The following CDC20 variants were observed in gnomAD, a reference collection of about 807,000 sequenced individuals.
CDC20 encodes the protein cell division cycle protein 20 homolog.
Under a neutral mutation model 60.0 loss-of-function variants are expected in CDC20, and 34 were observed. That is an observed-to-expected ratio of 0.57 (90% confidence interval 0.43 to 0.75). The LOEUF (loss-of-function observed/expected upper bound fraction) is 0.75. Ranked by LOEUF, CDC20 falls within the 30% of genes least tolerant of loss-of-function variation. The probability of loss-of-function intolerance (pLI) is 0.00; values close to 1 mark genes in which losing one functional copy is unlikely to be tolerated. For synonymous variants in CDC20, 198 were observed against 243.5 expected (o/e 0.81, Z 1.74); for missense variants, 469 against 647.3 (o/e 0.72, Z 2.99).
At chr1:43,361,406 C>G (rs1244546294) in intron 9 of CDC20, among the ~76,000 whole-genome samples, 161 bp downstream of exon 9, 1 of 152,192 alleles carries the variant, frequency 6.6e-6, no homozygotes, top group Non-Finnish European at 1.5e-5. Flanking sequence ...TATCTCCAAT[C>G]CTATGTCCTA....
At position 43,360,675 on chromosome 1, in the gene CDC20, C is replaced by A. The variant is rs1316642960; in HGVS notation, c.849-58C>A. 8 of 1,581,380 alleles carry A rather than the reference C, an allele frequency of 5.1e-6. No individual in the cohort carries two copies. The East Asian group carries it at 1.8e-4, about 35-fold the overall frequency. ...TGTACACCCCTGAACTGAACCAGCT[C>A]TGGCTTGCTTGCATTTGGTGCTGCC... On this transcript the variant is annotated intron_variant, in intron 7 of 10. Coordinates refer to ENST00000310955, the MANE Select transcript of CDC20 (RefSeq NM_001255.3).
chr1:43,362,876 A>G, intron 10 of CDC20, 75 bp from the exon 11 acceptor site: 1 of 1,104,592 alleles, frequency 9.1e-7, no homozygotes, highest in Non-Finnish European at 1.3e-6. Flanking sequence ...ACAAAAAGGT[A>G]GGTGGGTGGC....
chr1:43,362,212 G>T lies in CDC20; in HGVS notation c.1221G>T (p.Trp407Cys). The T allele has an allele frequency of 6.2e-7, 1 of 1,610,052 alleles. No homozygotes were observed. Among genetic ancestry groups the T allele is most frequent in the Non-Finnish European group, 8.5e-7 (1 of 1,176,390 alleles). ...DAHSQVCSILWSPHYKELISG... is the reference protein window; with the variant it reads ...DAHSQVCSILCSPHYKELISG... ...CTCCACAGGTGTGCTCCATCCTCTG[G>T]TCTCCCCATTACAAGGAGCTCATCT... Residue 407 changes from tryptophan (W) to cysteine (C), a missense_variant, in exon 10 of 11, where the codon TGG becomes TGT. Transcript: ENST00000310955.
Position 43,359,733 on chromosome 1 carries a change from G to A in CDC20, c.339G>A (p.Gln113=). 1 of 1,613,904 alleles carries A rather than the reference G, an allele frequency of 6.2e-7. No individual in the cohort carries two copies. The highest frequency in any genetic ancestry group is 2.2e-5 in the East Asian group (1 of 44,884). The change falls in exon 4 of 11, where the codon CAG becomes CAA. Residue 113 remains glutamine (Q), a synonymous_variant. Coordinates refer to ENST00000310955, the MANE Select transcript of CDC20 (RefSeq NM_001255.3). ...NSQTPTKKEH[Q]KAWALNLNGF... is the part of the protein sequence containing the mutation. ...ACTACCCTTTATGCCAGGAACATCA[G>A]AAAGCCTGGGCTTTGAACCTGAACG... is the stretch of plus-strand genomic sequence containing the variant.
rs1236815424 is a variant in CDC20 at position 43,360,926 on chromosome 1, C to T, written c.1042C>T (p.Leu348=). 1 of 1,613,946 alleles carries T rather than the reference C, an allele frequency of 6.2e-7. No individual in the cohort carries two copies. The highest frequency in any genetic ancestry group is 1.3e-5 in the African/African-American group (1 of 74,902). Residue 348 remains leucine (L), a synonymous_variant, in exon 8 of 11, where the codon CTG becomes TTG. Transcript: ENST00000310955. ...TCCTGGAGAGGGTGGCTGGGTTCCTCTGCAGACATTCACCCAGCATCAAGG... is the reference window on the plus strand; with the variant it reads ...TCCTGGAGAGGGTGGCTGGGTTCCTTTGCAGACATTCACCCAGCATCAAGG... ...SAPGEGGWVP[L]QTFTQHQGAV...
chr1:43,360,129 G>A, intron 5 of CDC20, 32 bp downstream of exon 5: 1 of 1,614,132 alleles, frequency 6.2e-7, no homozygotes, highest in Non-Finnish European at 8.5e-7. Context: ...CCTCATGCAT[G>A]GAGAAAGAGG....
In CDC20 at chr1:43,360,937, C is replaced by A; in HGVS notation, c.1053C>A (p.Phe351Leu). Reference sequence around the variant, plus strand: ...GTGGCTGGGTTCCTCTGCAGACATTCACCCAGCATCAAGGGGCTGTCAAGG... The same window carrying A: ...GTGGCTGGGTTCCTCTGCAGACATTAACCCAGCATCAAGGGGCTGTCAAGG... ...GEGGWVPLQT[F>L]TQHQGAVKAV... The change falls in exon 8 of 11, where the codon TTC (phenylalanine) becomes TTA (leucine). Residue 351 changes from phenylalanine to leucine, a missense_variant. This residue lies in a region of CDC20 where 255 missense variants were observed against 326.7 expected (regional missense o/e 0.78). Coordinates refer to ENST00000310955, the MANE Select transcript of CDC20 (RefSeq NM_001255.3). The A allele has an allele frequency of 1.2e-6, 2 of 1,613,816 alleles. No individual in the cohort carries two copies. The highest frequency in any genetic ancestry group is 1.7e-6 in the Non-Finnish European group (2 of 1,179,746).
rs1188441660 is a variant in CDC20 at position 43,359,324 on chromosome 1, G to A, written c.109G>A (p.Gly37Ser). 5 of 1,613,000 alleles carry A rather than the reference G, an allele frequency of 3.1e-6. No homozygotes were observed. The highest frequency in any genetic ancestry group is 4.2e-6 in the Non-Finnish European group (5 of 1,179,892). ...RWQRKAKEAA[G>S]PAPSPMRAAN... ...GCAGCGCAAAGCCAAGGAAGCCGCA[G>A]GCCCGGCCCCCTCACCCATGCGGGC... Residue 37 changes from glycine (G) to serine (S), a missense_variant, in exon 2 of 11, where the codon GGC becomes AGC. Transcript: ENST00000310955.
chr1:43,363,175 CA>C lies in CDC20; in HGVS notation c.*47del. On this transcript the variant is annotated 3_prime_UTR_variant, in exon 11 of 11. Transcript: ENST00000310955. ...TTGTTTTTTATTTTTCTAATAAAGT[CA>C]TGTCTCCCTTCATGTTTTTTTTTTA... 1 of 1,532,012 alleles carries C rather than the reference CA, an allele frequency of 6.5e-7. No homozygotes were observed. The highest frequency in any genetic ancestry group is 9.0e-7 in the Non-Finnish European group (1 of 1,117,072). The allele number at this position is 1,532,012 out of a possible 1,614,324, so 94.9% of individuals were successfully genotyped here. A position where few individuals can be genotyped will look rare whatever the true frequency, so the allele number is the denominator to read the frequency against.
rs1647166218 is a variant in CDC20 at position 43,360,256 on chromosome 1, A to G, written c.620A>G (p.Tyr207Cys). ...GCCGTGGCACTGGACAACAGTGTGT[A>G]CCTGTGGAGTGCAAGCTCTGGTGAC... ...VLAVALDNSVYLWSASSGDIL... is the reference protein window; with the variant it reads ...VLAVALDNSVCLWSASSGDIL... The change falls in exon 6 of 11, where the codon TAC becomes TGC. Residue 207 changes from tyrosine (Y) to cysteine (C), a missense_variant. Physicochemically the swap from Tyr to Cys is radical, Grantham distance 194 (BLOSUM62 -2). Around this residue, in one of 5 missense-constraint regions of CDC20, gnomAD observed 255 missense variants for 326.7 expected, o/e 0.78. Coordinates refer to ENST00000310955, the MANE Select transcript of CDC20 (RefSeq NM_001255.3). 1 of 1,614,056 alleles carries G rather than the reference A, an allele frequency of 6.2e-7. No homozygotes were observed. Among genetic ancestry groups the G allele is most frequent in the Non-Finnish European group, 8.5e-7 (1 of 1,180,040 alleles).
Position 43,359,959 on chromosome 1 carries a change from G to C in CDC20, c.428-10G>C. ...TTTTCCCAGCGTCTAGACTCACTCCGTTGCCACAGGTTATCAGAACAGACT... is the reference window on the plus strand; with the variant it reads ...TTTTCCCAGCGTCTAGACTCACTCCCTTGCCACAGGTTATCAGAACAGACT... On this transcript the variant is annotated splice_polypyrimidine_tract_variant and intron_variant, in intron 4 of 10. Transcript: ENST00000310955. 1.2e-6 allele frequency: 2 copies of C among 1,614,048 alleles called. No individual in the cohort carries two copies. The highest frequency in any genetic ancestry group is 1.7e-6 in the Non-Finnish European group (2 of 1,179,986).
rs45561534 is a variant in CDC20 at position 43,359,013 on chromosome 1, G to A, written c.-50+7G>A. The A allele has an allele frequency of 4.5e-4, 278 of 611,438 alleles. 1 individual carries two copies. In the African/African-American group the frequency reaches 4.6e-3, roughly 10 times the overall value. 37.9% of individuals were successfully genotyped at this position (611,438 alleles called of 1,614,324 possible). A position where few individuals can be genotyped will look rare whatever the true frequency, so the allele number is the denominator to read the frequency against. On this transcript the variant is annotated splice_region_variant and intron_variant, in intron 1 of 10. Transcript: ENST00000310955. ...AACTGCTCCGGAGGGCACGGTGAGAGGTGGTGGGGCTGAGCCGAGGTGGGG... is the reference window on the plus strand; with the variant it reads ...AACTGCTCCGGAGGGCACGGTGAGAAGTGGTGGGGCTGAGCCGAGGTGGGG...
intron 1 of CDC20, 21 bp from the exon 2 acceptor site, chr1:43,359,146 C>T (rs531810931): frequency 1.3e-6 from 2 of 1,529,690 alleles, no homozygotes; most frequent in Admixed American, 3.4e-5. Flanking sequence ...CCCCTGAGCA[C>T]CGTCGCCTCC....
chr1:43,362,841 G>T, intron 10 of CDC20, 110 bp from the exon 11 acceptor site: 1 of 768,838 alleles, frequency 1.3e-6, no homozygotes, highest in South Asian at 1.9e-5. Flanking sequence ...CTCCAGCCTG[G>T]GTGACAGAGC....
chr1:43,362,537 G>A (rs1647177264), intron 10 of CDC20, among the ~76,000 whole-genome samples: 1 of 152,162 alleles, frequency 6.6e-6, no homozygotes, highest in Non-Finnish European at 1.5e-5. Flanking sequence ...GCATTTTATG[G>A]TGTGTGAATT....
Position 43,360,110 on chromosome 1 carries a change from T to A in CDC20, c.556+13T>A, listed in dbSNP as rs1476942811. 3 of 1,614,094 alleles carry A rather than the reference T, an allele frequency of 1.9e-6. No homozygotes were observed. In the African/African-American group the frequency reaches 4.0e-5, roughly 22 times the overall value. ...CGAAATGACTATTGTAAGTGCATCC[T>A]TATCCTCGCCTCATGCATGGAGAAA... is the stretch of plus-strand genomic sequence containing the variant. On this transcript the variant is annotated intron_variant, in intron 5 of 10. Transcript: ENST00000310955.
chr1:43,360,095 A>G lies in CDC20; in HGVS notation c.554A>G (p.Tyr185Cys). 6.2e-7 allele frequency: 1 copy of G among 1,614,194 alleles called. No individual in the cohort carries two copies. The highest frequency in any genetic ancestry group is 8.5e-7 in the Non-Finnish European group (1 of 1,180,046). ...GATGCGCCTGAAATCCGAAATGACTATTGTAAGTGCATCCTTATCCTCGCC... is the reference window on the plus strand; with the variant it reads ...GATGCGCCTGAAATCCGAAATGACTGTTGTAAGTGCATCCTTATCCTCGCC... ...ILDAPEIRNDYYLNLVDWSSG... is the reference protein window; with the variant it reads ...ILDAPEIRNDCYLNLVDWSSG... The change falls in exon 5 of 11, where the codon TAT (tyrosine) becomes TGT (cysteine). Residue 185 changes from tyrosine (Y) to cysteine (C), a missense_variant and splice_region_variant. Tyr to Cys is a radical substitution (Grantham distance 194). Coordinates refer to ENST00000310955, the MANE Select transcript of CDC20 (RefSeq NM_001255.3).
At chr1:43,361,648 T>C (rs1177271962) in intron 9 of CDC20, among the ~76,000 whole-genome samples, 1 of 152,220 alleles carries the variant, frequency 6.6e-6, no homozygotes, top group Non-Finnish European at 1.5e-5. Flanking sequence ...GGAGGCCCAC[T>C]ACAATGGCTT....
intron 9 of CDC20, 144 bp from the exon 10 acceptor site, chr1:43,362,051 C>T (rs968331457): frequency 1.8e-6 from 1 of 549,602 alleles, no homozygotes; most frequent in Middle Eastern, 5.1e-4. Context: ...CTATAATTTG[C>T]CTCTCAAGGA....
Sources: allele counts gnomAD v4.1 joint callset (sites outside exome capture counted in the v4.1 genomes callset), GRCh38; gene constraint gnomAD v4.1.1; regional missense constraint gnomAD v4.1.1; transcripts MANE v1.5; gene names NCBI Gene and HGNC (gene_info 2026-07-23, HGNC 2026-07-21).